BEND2: variants seen among roughly 807,000 people sequenced by gnomAD.
BEND2 encodes the protein BEN domain containing 2.
A neutral mutation model predicts 43.8 loss-of-function variants in BEND2; 19 were observed. The ratio of observed to expected loss-of-function variants is 0.43; its 90% CI spans 0.30 to 0.64. BEND2 has a LOEUF of 0.64. BEND2 is among the 30% of genes least tolerant of loss of function. The pLI, the probability that BEND2 is intolerant of heterozygous loss-of-function variation, is 0.11. For synonymous variants in BEND2, 226 were observed against 210.1 expected (o/e 1.08, Z -0.66); for missense variants, 544 against 574.0 (o/e 0.95, Z 0.53).
At chrX:18,184,407 G>C (rs755125255) in intron 8 of BEND2, among the ~76,000 whole-genome samples, 51 of 111,972 alleles carry the variant, frequency 4.6e-4, no homozygotes, top group Non-Finnish European at 4.3e-4. Flanking sequence ...TCTTGAGCCC[G>C]GGAGGTGGAG....
Position 18,190,740 on chromosome X carries a change from ACT to A in BEND2, c.1288+259_1288+260del, listed in dbSNP as rs59031812. On this transcript the variant is annotated intron_variant, in intron 8 of 13. Coordinates refer to ENST00000380033, the MANE Select transcript of BEND2 (RefSeq NM_153346.5). ...CATAAAATTCCAGACAACTAAATAT[ACT>A]CTCTCTCTCTCTCTCTCTCTCTCTC... 2.2e-3 allele frequency among the ~76,000 whole-genome samples: 215 copies of A among 97,535 alleles called. 1 individual carries two copies. Among genetic ancestry groups the A allele is most frequent in the South Asian group, 4.9e-3 (10 of 2,060 alleles). 84.7% of individuals were successfully genotyped at this position (97,535 alleles called of 115,157 possible).
intron 10 of BEND2, among the ~76,000 whole-genome samples, chrX:18,177,007 T>G (rs1470799547): frequency 9.0e-6 from 1 of 110,696 alleles, no homozygotes; most frequent in East Asian, 2.8e-4. Context: ...GACTGGGATG[T>G]ATCTGTTTCC....
chrX:18,167,058 A>G (rs1923842616), intron 13 of BEND2, among the ~76,000 whole-genome samples: 1 of 110,808 alleles, frequency 9.0e-6, no homozygotes, highest in African/African-American at 3.3e-5. Context: ...AAGCGGGTGA[A>G]TCGCTTGAAC....
chrX:18,174,744 C>T (rs1000247783), intron 11 of BEND2, among the ~76,000 whole-genome samples: 4 of 111,035 alleles, frequency 3.6e-5, no homozygotes, highest in African/African-American at 1.3e-4. Flanking sequence ...GAGTGGGGAG[C>T]TCAGGCGTTA....
rs756130515 is a variant in BEND2 at position 18,203,646 on chromosome X, A to G, written c.762T>C (p.Thr254=). Residue 254 remains threonine, a synonymous_variant, in exon 5 of 14, where the codon ACT becomes ACC. Coordinates refer to ENST00000380033, the MANE Select transcript of BEND2 (RefSeq NM_153346.5). ...TNAVISFANA[T]TAVPMAVLSR... Reference sequence around the variant, plus strand: ...ACAGAACTGCCATAGGTACTGCTGTAGTAGCATTGGCAAATGAGATGACAG... The same window carrying G: ...ACAGAACTGCCATAGGTACTGCTGTGGTAGCATTGGCAAATGAGATGACAG... The G allele has an allele frequency of 8.3e-7, 1 of 1,210,047 alleles. No individual in the cohort carries two copies. Among genetic ancestry groups the G allele is most frequent in the Non-Finnish European group, 1.1e-6 (1 of 895,066 alleles).
At chrX:18,219,459 C>T (rs1925784050) in intron 1 of BEND2, among the ~76,000 whole-genome samples, 1 of 113,030 alleles carries the variant, frequency 8.8e-6, no homozygotes, top group Non-Finnish European at 1.9e-5. Flanking sequence ...CTACGTGTTT[C>T]TCTTCCTCCT....
chrX:18,192,851 C>A (rs1290767775), intron 7 of BEND2, among the ~76,000 whole-genome samples: 2 of 111,722 alleles, frequency 1.8e-5, no homozygotes, highest in Non-Finnish European at 3.8e-5. Flanking sequence ...TATTAAAGAG[C>A]AAGATGGGCC....
chrX:18,207,604 G>A (rs376482861), intron 4 of BEND2, among the ~76,000 whole-genome samples: 87 of 112,238 alleles, frequency 7.8e-4, no homozygotes, highest in African/African-American at 2.8e-3. Flanking sequence ...AGGGGCTATA[G>A]AAATTATTTT....
rs1226801364 is a variant in BEND2, at chrX:18,201,801, C to T, written c.1033+14G>A. 5 of 1,199,283 alleles carry T rather than the reference C, an allele frequency of 4.2e-6. No homozygotes were observed. The highest frequency in any genetic ancestry group is 4.5e-6 in the Non-Finnish European group (4 of 889,681). ...AGCCACCACGCCCAGCATTATGTAT[C>T]ATTTCAAACTCACCAAAATAGGGAG... On this transcript the variant is annotated intron_variant, in intron 6 of 13. Transcript: ENST00000380033.
chrX:18,189,325 C>T (rs1924681204), intron 8 of BEND2, among the ~76,000 whole-genome samples: 1 of 110,505 alleles, frequency 9.0e-6, no homozygotes, highest in African/African-American at 3.3e-5. Context: ...CTGAGCAATA[C>T]AACAAGATTT....
At position 18,163,516 on chromosome X, in the gene BEND2, T is replaced by C. The variant is rs1349222623; in HGVS notation, c.*1493A>G. 1.8e-5 allele frequency: 2 copies of C among 112,238 alleles called. No homozygotes were observed. Among genetic ancestry groups the C allele is most frequent in the African/African-American group, 6.5e-5 (2 of 30,956 alleles). 9.2% of individuals were successfully genotyped at this position (112,238 alleles called of 1,213,427 possible). ...ATATTTTTAATGTGGTATATTTATT[T>C]ACATTTCCATCATGGTGGAAAGTTC... is the stretch of plus-strand genomic sequence containing the variant. On this transcript the variant is annotated 3_prime_UTR_variant, in exon 14 of 14. Transcript: ENST00000380033.
rs113387585 is a variant in BEND2 at position 18,176,337 on chromosome X, C to T, written c.1631-244G>A. 1.2e-4 allele frequency among the ~76,000 whole-genome samples: 11 copies of T among 88,904 alleles called. No individual in the cohort carries two copies. The East Asian group carries it at 2.7e-3, about 21-fold the overall frequency. 77.2% of individuals were successfully genotyped at this position (88,904 alleles called of 115,157 possible). On this transcript the variant is annotated intron_variant, in intron 10 of 13. Transcript: ENST00000380033. ...ACCATGAGATCCCCTAAAACACTGA[C>T]GTAGGAAGCTAATATTGAGCTCTTG...
In BEND2 at chrX:18,199,836, G is replaced by A. The variant is rs148683477; in HGVS notation, c.1033+1979C>T. On this transcript the variant is annotated intron_variant, in intron 6 of 13. Coordinates refer to ENST00000380033, the MANE Select transcript of BEND2 (RefSeq NM_153346.5). The stretch of plus-strand genomic sequence containing the variant: ...AAAAGTATTCAAACAGAAAGGAATG[G>A]ATGAAAAAAGAAAATATAGAGCATC... Among the ~76,000 whole-genome samples, 255 of 111,225 alleles carry A rather than the reference G, an allele frequency of 2.3e-3. 1 individual carries two copies. Among genetic ancestry groups the A allele is most frequent in the African/African-American group, 7.6e-3 (233 of 30,720 alleles).
At chrX:18,184,436 C>A (rs1924502723) in intron 8 of BEND2, among the ~76,000 whole-genome samples, 1 of 111,970 alleles carries the variant, frequency 8.9e-6, no homozygotes, top group Admixed American at 9.4e-5. Context: ...GAGCAGAGAT[C>A]ACACCACTGC....
In BEND2 at chrX:18,165,099, G is replaced by A; in HGVS notation, c.2310C>T (p.Ala770=). ...SLRHDVRRAE[A]RSQSLPAVTP... Reference sequence around the variant, plus strand: ...TCACTGCTGGAAGCGACTGAGACCTGGCTTCAGCCCTTCTGACGTCATGTC... The same window carrying A: ...TCACTGCTGGAAGCGACTGAGACCTAGCTTCAGCCCTTCTGACGTCATGTC... Residue 770 remains alanine (A), a synonymous_variant, in exon 14 of 14, where the codon GCC becomes GCT. Coordinates refer to ENST00000380033, the MANE Select transcript of BEND2 (RefSeq NM_153346.5). 8.3e-7 allele frequency: 1 copy of A among 1,210,448 alleles called. No individual in the cohort carries two copies. The highest frequency in any genetic ancestry group is 1.1e-6 in the Non-Finnish European group (1 of 895,465).
At chrX:18,198,531 A>G (rs1260531981) in intron 6 of BEND2, among the ~76,000 whole-genome samples, 1 of 111,476 alleles carries the variant, frequency 9.0e-6, no homozygotes, top group Non-Finnish European at 1.9e-5. Flanking sequence ...TTAGAATGGC[A>G]ATCATTAAAA....
At chrX:18,166,997 G>A (rs552805234) in intron 13 of BEND2, among the ~76,000 whole-genome samples, 1 of 111,548 alleles carries the variant, frequency 9.0e-6, no homozygotes, top group African/African-American at 3.3e-5. Flanking sequence ...AGTATTTCAT[G>A]AGGCTGGGCA....
At chrX:18,166,541 T>C (rs1036797414) in intron 13 of BEND2, among the ~76,000 whole-genome samples, 1 of 110,204 alleles carries the variant, frequency 9.1e-6, no homozygotes. Context: ...ATGAGGGAGG[T>C]GGCAGCGCAT....
chrX:18,183,993 G>A (rs971355809), intron 8 of BEND2, among the ~76,000 whole-genome samples: 2 of 111,639 alleles, frequency 1.8e-5, no homozygotes, highest in Admixed American at 1.9e-4. Flanking sequence ...TGATTGTAGA[G>A]GCTGAGGGCC....
Sources: allele counts gnomAD v4.1 joint callset (sites outside exome capture counted in the v4.1 genomes callset), GRCh38; gene constraint gnomAD v4.1.1; transcripts MANE v1.5; gene names NCBI Gene and HGNC (gene_info 2026-07-23, HGNC 2026-07-21).